Variants in GRM1 observed in about 807,000 individuals in gnomAD.
GRM1 encodes glutamate metabotropic receptor 1.
GRM1 carries 33 observed loss-of-function variants against 90.9 expected under a neutral mutation model. The ratio of observed to expected loss-of-function variants is 0.36; its 90% CI spans 0.28 to 0.49. The LOEUF is 0.49. Ranked by LOEUF, GRM1 falls within the 20% of genes least tolerant of loss-of-function variation. The pLI is 0.99. For missense variants in GRM1, 1,190 were observed against 1,534.3 expected, an observed-to-expected ratio of 0.78 and a Z score of 3.75; for synonymous variants, 700 against 613.2, an observed-to-expected ratio of 1.14 and a Z score of -2.09.
chr6:146,188,652 T>A (rs1778827107), intron 2 of GRM1, among the ~76,000 whole-genome samples: 2 of 152,218 alleles, frequency 1.3e-5, no homozygotes, highest in Admixed American at 1.3e-4. Context: ...AATACATTTT[T>A]AAATTTCTTC....
intron 3 of GRM1, among the ~76,000 whole-genome samples, chr6:146,323,600 A>G (rs924833199): frequency 2.0e-5 from 3 of 151,958 alleles, no homozygotes; most frequent in Admixed American, 6.5e-5. Flanking sequence ...GTTTAATTAG[A>G]TCCCATTTGT....
intron 2 of GRM1, among the ~76,000 whole-genome samples, chr6:146,167,596 G>A (rs746398601): frequency 2.6e-5 from 4 of 152,010 alleles, no homozygotes; most frequent in East Asian, 1.9e-4. Context: ...TGGGTGTATC[G>A]TGGCATCTCT....
intron 2 of GRM1, among the ~76,000 whole-genome samples, chr6:146,284,127 G>T (rs967047159): frequency 6.6e-6 from 1 of 152,138 alleles, no homozygotes; most frequent in Non-Finnish European, 1.5e-5. Flanking sequence ...AAACCCAGGG[G>T]TGCTGGCTCT....
At chr6:146,254,756 T>C (rs1781425194) in intron 2 of GRM1, among the ~76,000 whole-genome samples, 1 of 152,208 alleles carries the variant, frequency 6.6e-6, no homozygotes, top group Non-Finnish European at 1.5e-5. Flanking sequence ...CACATTTTGT[T>C]ATAATGTATA....
In GRM1 at chr6:146,265,095, C is replaced by T. The variant is rs563315620; in HGVS notation, c.951-39516C>T. Among the ~76,000 whole-genome samples, 128 of 152,186 alleles carry T rather than the reference C, an allele frequency of 8.4e-4. 3 individuals carry two copies. In the South Asian group the frequency reaches 0.023, roughly 27 times the overall value. On this transcript the variant is annotated intron_variant, in intron 2 of 7. Coordinates refer to ENST00000282753, the MANE Select transcript of GRM1 (RefSeq NM_001278064.2). ...AATGGTAGTTCTAGTTTTAGTTCTT[C>T]GAGCAATCGCTACACTGTTTTTCAT... is the stretch of plus-strand genomic sequence containing the variant.
At chr6:146,085,839 G>A (rs1776524342) in intron 1 of GRM1, among the ~76,000 whole-genome samples, 7 of 152,102 alleles carry the variant, frequency 4.6e-5, no homozygotes. Context: ...TAGTTGCTTT[G>A]AGGAATTAGG....
intron 1 of GRM1, among the ~76,000 whole-genome samples, chr6:146,152,206 G>A (rs1306411645): frequency 6.6e-6 from 1 of 152,064 alleles, no homozygotes; most frequent in African/African-American, 2.4e-5. Flanking sequence ...TGTAAATCAT[G>A]AACCTTCTGC....
chr6:146,229,177 T>A (rs1490688024), intron 2 of GRM1, among the ~76,000 whole-genome samples: 1 of 151,556 alleles, frequency 6.6e-6, no homozygotes, highest in Non-Finnish European at 1.5e-5. Context: ...AGGGATGGGG[T>A]TTCTCCATGT....
At chr6:146,072,100 TA>T (rs1254383917) in intron 1 of GRM1, among the ~76,000 whole-genome samples, 2 of 152,196 alleles carry the variant, frequency 1.3e-5, no homozygotes, top group East Asian at 3.8e-4. Flanking sequence ...TTGATAAACA[TA>T]AAGCATTATT....
intron 3 of GRM1, among the ~76,000 whole-genome samples, chr6:146,344,700 A>G (rs924232075): frequency 6.6e-6 from 1 of 152,364 alleles, no homozygotes; most frequent in East Asian, 1.9e-4. Context: ...ACACTGAGAC[A>G]GAGTGTCATT....
chr6:146,248,370 A>C (rs1047696527), intron 2 of GRM1, among the ~76,000 whole-genome samples: 2 of 152,194 alleles, frequency 1.3e-5, no homozygotes, highest in African/African-American at 4.8e-5. Flanking sequence ...CCATTTATCG[A>C]GGGAGGGACC....
chr6:146,273,971 A>G (rs1782262702), intron 2 of GRM1, among the ~76,000 whole-genome samples: 1 of 152,218 alleles, frequency 6.6e-6, no homozygotes, highest in South Asian at 2.1e-4. Flanking sequence ...TTCTGCAATA[A>G]TATGTGATTA....
chr6:146,398,669 G>A, intron 6 of GRM1, 100 bp from the exon 7 acceptor site: 2 of 843,804 alleles, frequency 2.4e-6, no homozygotes, highest in East Asian at 2.4e-5. Context: ...TGTAAATCAT[G>A]AAGGATGCAA....
intron 1 of GRM1, among the ~76,000 whole-genome samples, chr6:146,061,034 T>G (rs571100503): frequency 6.6e-6 from 1 of 152,076 alleles, no homozygotes; most frequent in Non-Finnish European, 1.5e-5. Context: ...TGTACTATTA[T>G]TGTGTCTCAG....
chr6:146,087,848 GACA>G (rs1776596703), intron 1 of GRM1, among the ~76,000 whole-genome samples: 1 of 152,072 alleles, frequency 6.6e-6, no homozygotes, highest in Admixed American at 6.6e-5. Flanking sequence ...CCTGTTGGAG[GACA>G]TTTGAGTTGT....
chr6:146,268,420 A>G (rs1781998336), intron 2 of GRM1, among the ~76,000 whole-genome samples: 1 of 152,156 alleles, frequency 6.6e-6, no homozygotes, highest in Admixed American at 6.5e-5. Flanking sequence ...ATATTGCTCT[A>G]TCTATACTGA....
chr6:146,205,871 T>C (rs1271287301), intron 2 of GRM1, among the ~76,000 whole-genome samples: 1 of 152,140 alleles, frequency 6.6e-6, no homozygotes, highest in Admixed American at 6.5e-5. Context: ...TTTTCCCACA[T>C]GCTCCAAGCA....
At chr6:146,111,664 T>C (rs930568501) in intron 1 of GRM1, among the ~76,000 whole-genome samples, 6 of 152,158 alleles carry the variant, frequency 3.9e-5, no homozygotes, top group African/African-American at 1.4e-4. Flanking sequence ...TGAGATAGCC[T>C]GGTTTATTAG....
At chr6:146,404,901 C>T (rs1483169993) in intron 7 of GRM1, among the ~76,000 whole-genome samples, 3 of 152,082 alleles carry the variant, frequency 2.0e-5, no homozygotes. Flanking sequence ...AATCCAATAA[C>T]AGGTAAAAAT....
Sources: gnomAD v4.1 joint callset for allele counts (sites outside exome capture counted in the v4.1 genomes callset) on GRCh38, gnomAD v4.1.1 for gene constraint, MANE v1.5 for transcripts, NCBI Gene and HGNC (gene_info 2026-07-23, HGNC 2026-07-21) for gene names.